The following FSTL5 variants were observed in gnomAD, a reference collection of about 807,000 sequenced individuals.
FSTL5 encodes follistatin-related protein 5.
FSTL5 carries 62 observed loss-of-function variants against 89.1 expected under a neutral mutation model. That is an observed-to-expected ratio of 0.70 (90% CI 0.57 to 0.86). The LOEUF (loss-of-function observed/expected upper bound fraction) is 0.86, where lower values mean the gene tolerates loss of function less well. FSTL5 is among the 40% of genes least tolerant of loss of function. FSTL5 has a pLI of 0.00. For missense variants in FSTL5, 1,057 were observed against 1,001.6 expected, an observed-to-expected ratio of 1.06 and a Z score of -0.75; for synonymous variants, 383 against 346.2, an observed-to-expected ratio of 1.11 and a Z score of -1.18.
At chr4:161,677,556 A>G (rs1579013981) in intron 6 of FSTL5, among the ~76,000 whole-genome samples, 1 of 151,958 alleles carries the variant, frequency 6.6e-6, no homozygotes, top group Admixed American at 6.6e-5. Context: ...GTATTGGAAA[A>G]TCACAGCACA....
In FSTL5 at chr4:161,386,020, G is replaced by A. The variant is rs755415491; in HGVS notation, c.2271C>T (p.Tyr757=). Residue 757 remains tyrosine (Y), a synonymous_variant, in exon 16 of 16, where the codon TAC becomes TAT. Coordinates refer to ENST00000306100, the MANE Select transcript of FSTL5 (RefSeq NM_020116.5). ...CATCAGTTTGTGTGCTTGAACTACC[G>A]TAGATGTTATATTGGTGGGCTTCAG... ...SFTEAHQYNI[Y]GSSSTQTDVL... 159 of 1,613,998 alleles carry A rather than the reference G, an allele frequency of 9.9e-5. 2 individuals carry two copies. In the East Asian group the frequency reaches 1.6e-3, roughly 16 times the overall value.
At chr4:161,929,926 A>G (rs1734241008) in intron 3 of FSTL5, among the ~76,000 whole-genome samples, 1 of 151,678 alleles carries the variant, frequency 6.6e-6, no homozygotes, top group African/African-American at 2.4e-5. Context: ...CCTCAAATTT[A>G]TAATTTTTGA....
intron 3 of FSTL5, among the ~76,000 whole-genome samples, chr4:162,026,326 G>C (rs1271205249): frequency 1.7e-4 from 1 of 5,984 alleles, no homozygotes; most frequent in Non-Finnish European, 4.7e-4. Context: ...TTTTCTTTTT[G>C]AGACGGAGTT....
At chr4:161,801,396 G>A (rs930050078) in intron 4 of FSTL5, among the ~76,000 whole-genome samples, 42 of 151,400 alleles carry the variant, frequency 2.8e-4, no homozygotes, top group Admixed American at 9.9e-4. Context: ...TGACAAAGTC[G>A]TTCTCAGCTT....
intron 3 of FSTL5, among the ~76,000 whole-genome samples, chr4:161,970,061 A>G (rs891569429): frequency 6.6e-6 from 1 of 152,090 alleles, no homozygotes; most frequent in Non-Finnish European, 1.5e-5. Context: ...TAAGTTTCTC[A>G]TTAAGGAAAA....
chr4:161,767,124 T>C (rs1263488752), intron 5 of FSTL5, among the ~76,000 whole-genome samples: 5 of 152,248 alleles, frequency 3.3e-5, no homozygotes, highest in Non-Finnish European at 7.3e-5. Context: ...ATGCTCCTTT[T>C]CATAAGAAAT....
rs1038641828 is a variant in FSTL5, at chr4:162,111,164, A to C, written c.126+107T>G. 1.5e-5 allele frequency: 13 copies of C among 862,900 alleles called. No homozygotes were observed. The Admixed American group carries it at 2.3e-4, about 15-fold the overall frequency. 53.5% of individuals were successfully genotyped at this position (862,900 alleles called of 1,614,324 possible). A position where few individuals can be genotyped will look rare whatever the true frequency, so the allele number is the denominator to read the frequency against. ...TTAAAAATAATATGGAAACTACTGA[A>C]AGCATATTCTGAAATAAGTGCTCCT... On this transcript the variant is annotated intron_variant, in intron 2 of 15. Transcript: ENST00000306100.
At chr4:162,036,080 T>G (rs548883840) in intron 2 of FSTL5, among the ~76,000 whole-genome samples, 1 of 152,122 alleles carries the variant, frequency 6.6e-6, no homozygotes, top group East Asian at 1.9e-4. Context: ...AGGTCTTATC[T>G]TTCTTCCATA....
chr4:161,701,965 T>G (rs1020021431), intron 6 of FSTL5, among the ~76,000 whole-genome samples: 1 of 152,164 alleles, frequency 6.6e-6, no homozygotes, highest in Non-Finnish European at 1.5e-5. Context: ...ATGATATACT[T>G]TTTATAAATA....
At chr4:161,592,278 T>A (rs958978548) in intron 7 of FSTL5, among the ~76,000 whole-genome samples, 5 of 152,066 alleles carry the variant, frequency 3.3e-5, no homozygotes, top group Non-Finnish European at 7.4e-5. Flanking sequence ...ACCATTATTA[T>A]TATTATCATT....
intron 3 of FSTL5, among the ~76,000 whole-genome samples, chr4:161,989,550 G>A (rs1248222648): frequency 6.6e-6 from 1 of 152,070 alleles, no homozygotes; most frequent in Non-Finnish European, 1.5e-5. Flanking sequence ...TGAATTTTAT[G>A]CATGCATCCT....
chr4:161,958,744 C>A (rs572415125), intron 3 of FSTL5, among the ~76,000 whole-genome samples: 5 of 152,178 alleles, frequency 3.3e-5, no homozygotes, highest in Admixed American at 1.3e-4. Context: ...GCTTATGCTG[C>A]GCAGTGCAAT....
At chr4:161,629,431 CT>C (rs544064649) in intron 7 of FSTL5, among the ~76,000 whole-genome samples, 1 of 152,044 alleles carries the variant, frequency 6.6e-6, no homozygotes, top group Non-Finnish European at 1.5e-5. Context: ...CAACCTCTGC[CT>C]CCTGGGTTCA....
At chr4:161,849,737 A>G (rs958962559) in intron 4 of FSTL5, among the ~76,000 whole-genome samples, 3 of 152,164 alleles carry the variant, frequency 2.0e-5, no homozygotes, top group Non-Finnish European at 4.4e-5. Flanking sequence ...AACAAATACT[A>G]TCTACTAATA....
chr4:161,616,907 A>G (rs1734894539), intron 7 of FSTL5, among the ~76,000 whole-genome samples: 1 of 151,212 alleles, frequency 6.6e-6, no homozygotes, highest in Non-Finnish European at 1.5e-5. Context: ...ACTATAACGT[A>G]TAATTCTTAT....
chr4:161,420,421 C>T (rs1176787832), intron 15 of FSTL5, among the ~76,000 whole-genome samples: 1 of 152,176 alleles, frequency 6.6e-6, no homozygotes, highest in South Asian at 2.1e-4. Flanking sequence ...GTATGTTAAG[C>T]AAATATCTTT....
At chr4:161,534,243 G>T (rs1731518325) in intron 10 of FSTL5, among the ~76,000 whole-genome samples, 2 of 152,060 alleles carry the variant, frequency 1.3e-5, no homozygotes, top group Admixed American at 1.3e-4. Context: ...AATCAGGCAA[G>T]AGAAAGAAAT....
chr4:161,849,652 A>G (rs951805176), intron 4 of FSTL5, among the ~76,000 whole-genome samples: 1 of 152,030 alleles, frequency 6.6e-6, no homozygotes, highest in African/African-American at 2.4e-5. Context: ...ATGACTCGAC[A>G]TGTGAAGATT....
chr4:161,691,609 A>T (rs933058360), intron 6 of FSTL5, among the ~76,000 whole-genome samples: 2 of 152,152 alleles, frequency 1.3e-5, no homozygotes, highest in Non-Finnish European at 2.9e-5. Context: ...TAGTTTGGGC[A>T]CTATTGCCAT....
Sources: gnomAD v4.1 joint callset for allele counts (sites outside exome capture counted in the v4.1 genomes callset) on GRCh38, gnomAD v4.1.1 for gene constraint, MANE v1.5 for transcripts, NCBI Gene and HGNC (gene_info 2026-07-23, HGNC 2026-07-21) for gene names.